SAXO4: variants seen among roughly 807,000 people sequenced by gnomAD.
The protein encoded by SAXO4 is stabilizer of axonemal microtubules 4.
chr11:61,489,695 G>A, the SAXO4 span: 100 of 1,407,838 alleles, frequency 7.1e-5, no homozygotes, highest in South Asian at 5.4e-4. Flanking sequence ...GAGGCTGGGC[G>A]ATCTGAGGGT....
the SAXO4 span, chr11:61,484,876 C>T: frequency 2.0e-6 from 3 of 1,510,828 alleles, no homozygotes; most frequent in South Asian, 3.7e-5. Context: ...CCCGCCTCTT[C>T]CTCCCACCTC....
At chr11:61,487,976 ATTC>A in the SAXO4 span, among the ~76,000 whole-genome samples, 108 of 150,488 alleles carry the variant, frequency 7.2e-4, 1 homozygote, top group African/African-American at 2.0e-3. Flanking sequence ...AGGAAGTGTA[ATTC>A]TTCTTCTTCT....
chr11:61,486,311 C>T, the SAXO4 span: 128 of 1,610,850 alleles, frequency 7.9e-5, no homozygotes, highest in South Asian at 1.1e-4. Flanking sequence ...GCTGCCTCTG[C>T]GGGGCTGACA....
chr11:61,482,638 C>G, the SAXO4 span: 1 of 1,613,832 alleles, frequency 6.2e-7, no homozygotes, highest in South Asian at 1.1e-5. Context: ...GGGGTTCTAG[C>G]TCCTCCTCAC....
chr11:61,483,623 G>C, the SAXO4 span, among the ~76,000 whole-genome samples: 2 of 152,074 alleles, frequency 1.3e-5, no homozygotes, highest in Non-Finnish European at 2.9e-5. Context: ...TGGGGCGGGG[G>C]TTAGGAAATA....
At chr11:61,481,954 C>G in the SAXO4 span, 1 of 1,411,278 alleles carries the variant, frequency 7.1e-7, no homozygotes, top group African/African-American at 1.4e-5. Flanking sequence ...TCTGCTAGGA[C>G]ATGGGCAGGA....
chr11:61,488,893 C>G, the SAXO4 span: 8,201 of 152,312 alleles, frequency 0.054, 613 homozygotes, highest in African/African-American at 0.17. Flanking sequence ...TTAGGTAATG[C>G]GCAAAGAGAA....
At chr11:61,483,341 T>C in the SAXO4 span, among the ~76,000 whole-genome samples, 1 of 151,986 alleles carries the variant, frequency 6.6e-6, no homozygotes, top group Non-Finnish European at 1.5e-5. Flanking sequence ...TAATATTTTG[T>C]ATTTTTAGTA....
chr11:61,482,666 A>C, the SAXO4 span: 1 of 1,613,938 alleles, frequency 6.2e-7, no homozygotes, highest in Non-Finnish European at 8.5e-7. Context: ...GAACAAGCCC[A>C]GGACCATTTC....
chr11:61,481,189 C>G, the SAXO4 span: 1 of 152,208 alleles, frequency 6.6e-6, no homozygotes. Context: ...CAGCCTCTCC[C>G]CGACCTCAGA....
chr11:61,482,711 A>T, the SAXO4 span: 1 of 1,613,896 alleles, frequency 6.2e-7, no homozygotes, highest in Non-Finnish European at 8.5e-7. Flanking sequence ...CGCCCCCTGG[A>T]GGTGCCTGAC....
the SAXO4 span, chr11:61,487,387 A>C: frequency 1.4e-6 from 1 of 707,750 alleles, no homozygotes. Context: ...CAAGGATTGG[A>C]GTGCAAGCAT....
At chr11:61,482,260 C>T in the SAXO4 span, 24 of 1,548,462 alleles carry the variant, frequency 1.5e-5, no homozygotes, top group South Asian at 3.4e-5. Context: ...GCCTGGGAAG[C>T]CCTGCCTGTT....
At chr11:61,482,851 G>T in the SAXO4 span, 4 of 1,548,660 alleles carry the variant, frequency 2.6e-6, no homozygotes, top group Non-Finnish European at 3.5e-6. Context: ...CCTCAGGGTG[G>T]GGTGGGGCTA....
the SAXO4 span, chr11:61,482,901 G>T: frequency 7.3e-7 from 1 of 1,362,816 alleles, no homozygotes. Context: ...GGAGGTGACA[G>T]GGCATGGAGC....
the SAXO4 span, chr11:61,485,800 T>C: frequency 6.2e-7 from 1 of 1,613,154 alleles, no homozygotes. Flanking sequence ...CTTTTGCAGA[T>C]TTCTTGCAGA....
At chr11:61,487,988 CTTT>C in the SAXO4 span, among the ~76,000 whole-genome samples, 2 of 133,220 alleles carry the variant, frequency 1.5e-5, no homozygotes, top group Non-Finnish European at 3.1e-5. Context: ...TCTTCTTCTT[CTTT>C]TTTTTTTTTT....
the SAXO4 span, among the ~76,000 whole-genome samples, chr11:61,484,403 A>G: frequency 6.6e-6 from 1 of 152,218 alleles, no homozygotes; most frequent in Non-Finnish European, 1.5e-5. Context: ...GGCAGTGCCA[A>G]CAGCAAGTGC....
the SAXO4 span, chr11:61,489,949 G>A: frequency 6.2e-7 from 1 of 1,608,226 alleles, no homozygotes; most frequent in Non-Finnish European, 8.5e-7. Flanking sequence ...GTGGGAAGGT[G>A]GCACCACCCC....
Sources: gnomAD v4.1 joint callset for allele counts (sites outside exome capture counted in the v4.1 genomes callset) on GRCh38, gnomAD v4.1.1 for gene constraint, MANE v1.5 for transcripts, NCBI Gene and HGNC (gene_info 2026-07-23, HGNC 2026-07-21) for gene names.